Variants in SLC35F4 observed in about 807,000 individuals in gnomAD.
SLC35F4 encodes the protein solute carrier family 35 member F4, also known as chromosome 14 open reading frame 36.
Under a neutral mutation model 44.2 loss-of-function variants are expected in SLC35F4, and 24 were observed. The observed-to-expected ratio is 0.54, with a 90% CI of 0.39 to 0.76. The LOEUF (loss-of-function observed/expected upper bound fraction) is 0.76. Ranked by LOEUF, SLC35F4 falls within the 30% of genes least tolerant of loss-of-function variation. The probability of loss-of-function intolerance (pLI) is 0.00; values close to 1 mark genes in which losing one functional copy is unlikely to be tolerated. For synonymous variants in SLC35F4, 238 were observed against 223.6 expected (o/e 1.06, Z -0.57); for missense variants, 562 against 586.1 (o/e 0.96, Z 0.42).
intron 1 of SLC35F4, among the ~76,000 whole-genome samples, chr14:57,938,234 A>T (rs1256184539): frequency 6.6e-6 from 1 of 152,182 alleles, no homozygotes; most frequent in East Asian, 1.9e-4. Context: ...AAGAAAACCT[A>T]GACACCAAAG....
chr14:57,950,828 C>A (rs986110147), intron 1 of SLC35F4, among the ~76,000 whole-genome samples: 11 of 152,164 alleles, frequency 7.2e-5, no homozygotes, highest in African/African-American at 2.7e-4. Flanking sequence ...GCCACCACGC[C>A]AGGCTAATTT....
At chr14:57,973,286 T>C (rs1881106582), downstream of SLC35F4, among the ~76,000 whole-genome samples, 1 of 152,180 alleles carries the variant, frequency 6.6e-6, no homozygotes, top group East Asian at 1.9e-4. Flanking sequence ...TATGTAAGCA[T>C]TGCCTTGGAG....
At chr14:57,594,174 AAGT>A (rs751419284) in intron 1 of SLC35F4, 50 bp from the exon 2 acceptor site, 1 of 1,504,184 alleles carries the variant, frequency 6.6e-7, no homozygotes, top group African/African-American at 1.4e-5. Flanking sequence ...AACAAATTGG[AAGT>A]AGATTTTATT....
intron 1 of SLC35F4, among the ~76,000 whole-genome samples, chr14:57,757,018 G>T (rs939079755): frequency 6.6e-6 from 1 of 151,994 alleles, no homozygotes; most frequent in African/African-American, 2.4e-5. Context: ...AATTGTGAAT[G>T]TTTTCATTTC....
At chr14:57,683,362 G>C (rs548710407) in intron 1 of SLC35F4, among the ~76,000 whole-genome samples, 15 of 152,296 alleles carry the variant, frequency 9.8e-5, no homozygotes, top group African/African-American at 3.6e-4. Flanking sequence ...AAAATGCAAT[G>C]AAAGCAAGAG....
intron 1 of SLC35F4, among the ~76,000 whole-genome samples, chr14:57,741,272 G>C (rs550657040): frequency 6.6e-6 from 1 of 151,942 alleles, no homozygotes; most frequent in African/African-American, 2.4e-5. Flanking sequence ...TCAGGTGATC[G>C]GTAATAACAA....
At chr14:57,836,125 G>C (rs1052611129) in intron 1 of SLC35F4, among the ~76,000 whole-genome samples, 1 of 152,148 alleles carries the variant, frequency 6.6e-6, no homozygotes, top group Non-Finnish European at 1.5e-5. Context: ...TGAGAAGCTT[G>C]AATGTTTTCC....
At chr14:57,790,592 A>T (rs1000847989) in intron 1 of SLC35F4, among the ~76,000 whole-genome samples, 3 of 152,222 alleles carry the variant, frequency 2.0e-5, no homozygotes, top group African/African-American at 7.2e-5. Context: ...TGCTCTTCTC[A>T]TCAAGCTACC....
intron 1 of SLC35F4, among the ~76,000 whole-genome samples, chr14:57,937,617 AAAGAAAAGAAAAGAAAAG>A (rs1384494828): frequency 2.7e-5 from 3 of 110,172 alleles, no homozygotes; most frequent in African/African-American, 1.1e-4. Flanking sequence ...AAAGAAAAGA[AAAGAAAAGAAAAGAAAAG>A]AAAAGAAAAG....
intron 1 of SLC35F4, among the ~76,000 whole-genome samples, chr14:57,781,534 C>A (rs541844332): frequency 1.3e-5 from 2 of 151,996 alleles, no homozygotes; most frequent in Non-Finnish European, 2.9e-5. Flanking sequence ...AAGTGGAGCT[C>A]ATATTTGACC....
intron 1 of SLC35F4, among the ~76,000 whole-genome samples, chr14:57,745,167 G>T (rs535481943): frequency 3.3e-5 from 5 of 152,290 alleles, no homozygotes; most frequent in African/African-American, 1.2e-4. Context: ...CAGGACATAG[G>T]CATGGGCAAG....
At chr14:57,665,086 T>C (rs1160742075) in intron 1 of SLC35F4, among the ~76,000 whole-genome samples, 1 of 151,908 alleles carries the variant, frequency 6.6e-6, no homozygotes, top group Non-Finnish European at 1.5e-5. Flanking sequence ...TTTCCTTCCC[T>C]TTGTCATCCA....
At chr14:57,928,342 A>G (rs902601600) in intron 1 of SLC35F4, among the ~76,000 whole-genome samples, 13 of 152,322 alleles carry the variant, frequency 8.5e-5, no homozygotes, top group African/African-American at 2.9e-4. Flanking sequence ...TCCCTACTGC[A>G]GTGGTGTTGG....
intron 1 of SLC35F4, among the ~76,000 whole-genome samples, chr14:57,840,919 C>G (rs1040590709): frequency 6.6e-6 from 1 of 152,130 alleles, no homozygotes; most frequent in Non-Finnish European, 1.5e-5. Flanking sequence ...TCAATTTATG[C>G]ACATATTGTT....
intron 1 of SLC35F4, among the ~76,000 whole-genome samples, chr14:57,919,244 A>G (rs1251702961): frequency 6.6e-6 from 1 of 152,228 alleles, no homozygotes; most frequent in Non-Finnish European, 1.5e-5. Context: ...ATGTTAAGCC[A>G]CTAAATGTTT....
intron 1 of SLC35F4, among the ~76,000 whole-genome samples, chr14:57,717,646 T>G (rs2075978350): frequency 6.6e-6 from 1 of 151,488 alleles, no homozygotes; most frequent in African/African-American, 2.4e-5. Flanking sequence ...AAAAAAAGAG[T>G]TTTTCCTTCA....
intron 1 of SLC35F4, among the ~76,000 whole-genome samples, chr14:57,673,949 C>T (rs921392511): frequency 6.6e-6 from 1 of 151,890 alleles, no homozygotes; most frequent in Non-Finnish European, 1.5e-5. Flanking sequence ...CAAAAATGGG[C>T]AAAAATTTGA....
chr14:57,969,447 GT>G (rs949986207), intron 1 of SLC35F4, among the ~76,000 whole-genome samples: 3 of 152,058 alleles, frequency 2.0e-5, no homozygotes, highest in African/African-American at 7.2e-5. Flanking sequence ...ATTTATTGAT[GT>G]TTAATATTAT....
In SLC35F4 at chr14:57,589,201, T is replaced by A. The variant is rs1366509695; in HGVS notation, c.587+15A>T. ...TTTCAATGATCTCTTATTGGGCAGT[T>A]AACATGAAACCTACCTGAATTTTTT... On this transcript the variant is annotated intron_variant, in intron 3 of 7. Transcript: ENST00000556826. The A allele has an allele frequency of 1.3e-6, 2 of 1,587,698 alleles. No individual in the cohort carries two copies.
Sources: allele counts gnomAD v4.1 joint callset (sites outside exome capture counted in the v4.1 genomes callset), GRCh38; gene constraint gnomAD v4.1.1; transcripts MANE v1.5; gene names NCBI Gene and HGNC (gene_info 2026-07-23, HGNC 2026-07-21).